Variants in ACKR3 observed in about 807,000 individuals in gnomAD.
ACKR3 encodes the protein C-X-C chemokine receptor type 7.
ACKR3 carries 6 observed loss-of-function variants against 22.4 expected under a neutral mutation model. The observed-to-expected ratio is 0.27, with a 90% CI of 0.15 to 0.53. ACKR3 has a LOEUF of 0.53. Ranked by LOEUF, ACKR3 falls within the 20% of genes least tolerant of loss-of-function variation. The probability of loss-of-function intolerance (pLI) is 0.96; values close to 1 mark genes in which losing one functional copy is unlikely to be tolerated. For synonymous variants in ACKR3, 209 were observed against 205.2 expected, an observed-to-expected ratio of 1.02 and a Z score of -0.16; for missense variants, 396 against 475.2, an observed-to-expected ratio of 0.83 and a Z score of 1.55.
At chr2:236,562,691 C>T in the ACKR3 span, among the ~76,000 whole-genome samples, 3 of 151,566 alleles carry the variant, frequency 2.0e-5, no homozygotes, top group East Asian at 1.9e-4. Context: ...AGAAATTAAG[C>T]GTCAGCATTT....
intron 1 of ACKR3, among the ~76,000 whole-genome samples, chr2:236,578,535 CCTTT>C (rs1691459476): frequency 1.3e-5 from 2 of 152,204 alleles, no homozygotes; most frequent in African/African-American, 4.8e-5. Context: ...GAGGCCCAGC[CCTTT>C]CTGTCAGCCG....
intron 1 of ACKR3, among the ~76,000 whole-genome samples, chr2:236,573,289 C>T (rs887642591): frequency 1.3e-5 from 2 of 152,206 alleles, no homozygotes; most frequent in Non-Finnish European, 2.9e-5. Flanking sequence ...TCAGCGTAAG[C>T]GGGGCTGGCC....
chr2:236,543,449 T>A, the ACKR3 span, among the ~76,000 whole-genome samples: 1 of 152,228 alleles, frequency 6.6e-6, no homozygotes, highest in East Asian at 1.9e-4. Flanking sequence ...GGCAGCTTTA[T>A]TACTCTTAAC....
chr2:236,569,678 A>G (rs1691266330), upstream of ACKR3: 1 of 148,232 alleles, frequency 6.7e-6, no homozygotes, highest in African/African-American at 2.5e-5. Context: ...TGAGGTTTAC[A>G]AGAGGGGGGT....
chr2:236,559,565 T>C, the ACKR3 span, among the ~76,000 whole-genome samples: 1 of 152,316 alleles, frequency 6.6e-6, no homozygotes, highest in African/African-American at 2.4e-5. Context: ...CTAAATAGTA[T>C]CACTTTATCT....
chr2:236,572,984 C>T (rs545943725), intron 1 of ACKR3, among the ~76,000 whole-genome samples: 2 of 152,326 alleles, frequency 1.3e-5, no homozygotes, highest in Non-Finnish European at 2.9e-5. Context: ...AGATCACTCA[C>T]GGTCACTAGT....
chr2:236,548,400 T>A, the ACKR3 span, among the ~76,000 whole-genome samples: 2 of 152,198 alleles, frequency 1.3e-5, no homozygotes, highest in African/African-American at 4.8e-5. This position sits in a 1 kb window ranked among gnomAD's most constrained non-coding sequence, Gnocchi z 4.3. Flanking sequence ...AAAGATGTTA[T>A]GAAATCAGGC....
chr2:236,577,660 A>G lies in ACKR3; in HGVS notation c.-26-2780A>G, dbSNP rs1030968105. On this transcript the variant is annotated intron_variant, in intron 1 of 1. Transcript: ENST00000272928. This position sits in a 1 kb window ranked among gnomAD's most constrained non-coding sequence, Gnocchi z 5.6. Reference sequence around the variant, plus strand: ...GCCAGCCGGCATCTGACATGTCTCTACACTGGAGGGCAAGTAAGACCTGAG... The same window carrying G: ...GCCAGCCGGCATCTGACATGTCTCTGCACTGGAGGGCAAGTAAGACCTGAG... Among the ~76,000 whole-genome samples the G allele has an allele frequency of 1.3e-5, 2 of 151,970 alleles. No homozygotes were observed. Among genetic ancestry groups the G allele is most frequent in the Non-Finnish European group, 2.9e-5 (2 of 67,980 alleles).
the ACKR3 span, among the ~76,000 whole-genome samples, chr2:236,551,291 C>T: frequency 6.6e-5 from 10 of 152,192 alleles, no homozygotes; most frequent in South Asian, 8.3e-4. Flanking sequence ...CCCTCCTACC[C>T]GGCCATTTGA....
the ACKR3 span, among the ~76,000 whole-genome samples, chr2:236,556,506 A>T: frequency 6.6e-6 from 1 of 152,120 alleles, no homozygotes; most frequent in Non-Finnish European, 1.5e-5. Flanking sequence ...CAGTGTGAGG[A>T]TGCAAGCAGA....
the ACKR3 span, among the ~76,000 whole-genome samples, chr2:236,543,941 GTATATATATATATATATATA>G: frequency 8.8e-3 from 510 of 57,776 alleles, 12 homozygotes; most frequent in South Asian, 0.017. Flanking sequence ...TGGGAGAAGG[GTATATATATATATATATATA>G]TATATATATA....
chr2:236,571,105 A>G (rs1174137083), intron 1 of ACKR3, among the ~76,000 whole-genome samples: 3 of 152,228 alleles, frequency 2.0e-5, no homozygotes, highest in African/African-American at 7.2e-5. Context: ...AAGAAAGTGG[A>G]GGCTGCTGGT....
chr2:236,568,788 G>A (rs77200751), upstream of ACKR3, among the ~76,000 whole-genome samples: 2,082 of 152,344 alleles, frequency 0.014, 36 homozygotes, highest in African/African-American at 0.046. Flanking sequence ...TTTAGTAGAA[G>A]TATAAAAAGA....
the ACKR3 span, among the ~76,000 whole-genome samples, chr2:236,556,115 G>A: frequency 6.6e-6 from 1 of 152,142 alleles, no homozygotes; most frequent in Non-Finnish European, 1.5e-5. Flanking sequence ...GAGTCCATGT[G>A]GGGTGAGGGG....
At chr2:236,545,493 C>G in the ACKR3 span, among the ~76,000 whole-genome samples, 2 of 152,234 alleles carry the variant, frequency 1.3e-5, no homozygotes, top group East Asian at 1.9e-4. The surrounding 1 kb of genome is among the most constrained non-coding windows in gnomAD (Gnocchi z 5.3). Context: ...ACCCCAGGAT[C>G]TGGGAGCCAG....
chr2:236,567,601 G>T (rs1447402712), upstream of ACKR3, among the ~76,000 whole-genome samples: 4 of 152,194 alleles, frequency 2.6e-5, no homozygotes, highest in Non-Finnish European at 4.4e-5. Flanking sequence ...GAGGCCCAAG[G>T]AGACAGCCAA....
chr2:236,579,852 G>A (rs925436371), intron 1 of ACKR3, among the ~76,000 whole-genome samples: 1 of 152,210 alleles, frequency 6.6e-6, no homozygotes, highest in Non-Finnish European at 1.5e-5. Context: ...GCACACTGGG[G>A]CCGCCTGAGA....
upstream of ACKR3, among the ~76,000 whole-genome samples, chr2:236,564,623 C>CT (rs1691143094): frequency 2.7e-5 from 4 of 147,978 alleles, no homozygotes; most frequent in Admixed American, 2.7e-4. Context: ...AAAGCACTTC[C>CT]TTAATAAATC....
At chr2:236,552,584 G>C in the ACKR3 span, among the ~76,000 whole-genome samples, 1 of 152,186 alleles carries the variant, frequency 6.6e-6, no homozygotes, top group South Asian at 2.1e-4. Flanking sequence ...GGAAAAAATG[G>C]TAAATGCTTG....
Sources: gnomAD v4.1 joint callset for allele counts (sites outside exome capture counted in the v4.1 genomes callset) on GRCh38, gnomAD v4.1.1 for gene constraint, Gnocchi (gnomAD v3.1) non-coding constraint, MANE v1.5 for transcripts, NCBI Gene and HGNC (gene_info 2026-07-23, HGNC 2026-07-21) for gene names.